The following ATXN3 variants were observed in gnomAD, a reference collection of about 807,000 sequenced individuals.
ATXN3 encodes the protein ataxin-3.
A neutral mutation model predicts 58.2 loss-of-function variants in ATXN3; 28 were observed. That is an observed-to-expected ratio of 0.48 (90% CI 0.36 to 0.66). ATXN3 has a LOEUF of 0.66. Among genes scored for constraint, ATXN3 ranks in the 30% least tolerant of loss-of-function variants. The pLI, the probability that ATXN3 is intolerant of heterozygous loss-of-function variation, is 0.00. For missense variants in ATXN3, 321 were observed against 422.1 expected, an observed-to-expected ratio of 0.76 and a Z score of 2.10; for synonymous variants, 113 against 138.5, an observed-to-expected ratio of 0.82 and a Z score of 1.29.
chr14:92,047,120 G>A (rs1174014738), intron 2 of ATXN3, among the ~76,000 whole-genome samples: 1 of 152,234 alleles, frequency 6.6e-6, no homozygotes, highest in Admixed American at 6.5e-5. Context: ...GGACTGATGG[G>A]TGTCAGGGTC....
intron 2 of ATXN3, among the ~76,000 whole-genome samples, chr14:92,047,572 C>T (rs772686107): frequency 4.0e-5 from 6 of 151,668 alleles, no homozygotes; most frequent in Non-Finnish European, 8.8e-5. Context: ...TTGGGGGATA[C>T]GAGAGGAAGA....
At chr14:92,086,832 G>A (rs1302163234) in intron 6 of ATXN3, among the ~76,000 whole-genome samples, 2 of 150,516 alleles carry the variant, frequency 1.3e-5, no homozygotes, top group Admixed American at 6.6e-5. Context: ...AAGGGGGGGG[G>A]AACTGATTAT....
chr14:92,083,211 C>G lies in ATXN3; in HGVS notation c.523G>C (p.Asp175His), dbSNP rs1482408308. Residue 175 changes from aspartate to histidine, a missense_variant, in exon 7 of 11, where the codon GAC (aspartate) becomes CAC (histidine). Asp to His is a moderately conservative substitution (Grantham distance 81). Coordinates refer to ENST00000644486, the MANE Select transcript of ATXN3 (RefSeq NM_004993.6). ...VKGDLPDCEA[D>H]QLLQMIRVQQ... Reference sequence around the variant, plus strand: ...ACCCTAATCATCTGCAGGAGTTGGTCAGCTTCGCAATCTGGCAGATCACCC... The same window carrying G: ...ACCCTAATCATCTGCAGGAGTTGGTGAGCTTCGCAATCTGGCAGATCACCC... The G allele has an allele frequency of 3.7e-6, 6 of 1,613,500 alleles. No homozygotes were observed. The highest frequency in any genetic ancestry group is 5.1e-6 in the Non-Finnish European group (6 of 1,179,912).
intron 10 of ATXN3, among the ~76,000 whole-genome samples, chr14:92,069,316 C>T (rs889235505): frequency 4.1e-5 from 6 of 147,522 alleles, no homozygotes; most frequent in South Asian, 2.2e-4. Context: ...GGTGATCCAT[C>T]AGCCTTGGCC....
chr14:92,096,042 A>C (rs1255247594), intron 3 of ATXN3, 51 bp downstream of exon 3: 3 of 1,415,144 alleles, frequency 2.1e-6, no homozygotes, highest in Non-Finnish European at 3.0e-6. Context: ...AAGGCTGTGA[A>C]ACGGTGCCTG....
At chr14:92,073,111 C>T (rs554404571) in intron 9 of ATXN3, among the ~76,000 whole-genome samples, 1 of 152,348 alleles carries the variant, frequency 6.6e-6, no homozygotes, top group South Asian at 2.1e-4. Context: ...TCTGCCCCTC[C>T]ACTCAAGAAG....
At chr14:92,072,694 T>TAAAA (rs33967699) in intron 9 of ATXN3, among the ~76,000 whole-genome samples, 7 of 90,978 alleles carry the variant, frequency 7.7e-5, no homozygotes, top group Admixed American at 1.3e-4. Context: ...AGCTATAGGT[T>TAAAA]AAAAAAAAAA....
At chr14:92,090,929 C>CTACTGCTG (rs2063637031) in intron 5 of ATXN3, among the ~76,000 whole-genome samples, 1 of 148,252 alleles carries the variant, frequency 6.7e-6, no homozygotes, top group African/African-American at 2.5e-5. Flanking sequence ...GCATCAGCCT[C>CTACTGCTG]TACTGCTGTA....
intron 1 of ATXN3, among the ~76,000 whole-genome samples, chr14:92,101,058 G>A (rs551289688): frequency 6.6e-6 from 1 of 152,182 alleles, no homozygotes; most frequent in African/African-American, 2.4e-5. Flanking sequence ...TGAAAAATAA[G>A]TACTTGAAAT....
downstream of ATXN3, among the ~76,000 whole-genome samples, chr14:92,055,807 A>G (rs78982827): frequency 0.097 from 14,754 of 152,242 alleles, 756 homozygotes; most frequent in Non-Finnish European, 0.12. This position sits in a 1 kb window ranked among gnomAD's most constrained non-coding sequence, Gnocchi z 4.5. Context: ...CTAAAAATAC[A>G]AAACTTAGCT....
At chr14:92,093,908 T>C (rs2064495606) in intron 3 of ATXN3, 77 bp from the exon 4 acceptor site, 1 of 860,550 alleles carries the variant, frequency 1.2e-6, no homozygotes, top group African/African-American at 1.7e-5. Context: ...ATGTTAGTTG[T>C]GTACTTCATA....
chr14:92,058,138 T>C (rs779491671), downstream of ATXN3, among the ~76,000 whole-genome samples: 1 of 152,216 alleles, frequency 6.6e-6, no homozygotes, highest in Non-Finnish European at 1.5e-5. Context: ...AGAATATCAA[T>C]GGACTGTGCT....
chr14:92,106,356 TGA>T (rs1370918889), intron 1 of ATXN3, among the ~76,000 whole-genome samples, 171 bp downstream of exon 1: 1 of 150,716 alleles, frequency 6.6e-6, no homozygotes, highest in East Asian at 2.0e-4. Flanking sequence ...GGGGCGTAGG[TGA>T]TGCTCCCCTC....
At chr14:92,094,544 G>A (rs185425916) in intron 3 of ATXN3, among the ~76,000 whole-genome samples, 1 of 152,236 alleles carries the variant, frequency 6.6e-6, no homozygotes, top group Admixed American at 6.5e-5. Flanking sequence ...GTTCTCCCTG[G>A]GCATTTAAAC....
At chr14:92,095,865 C>A (rs2065087873) in intron 3 of ATXN3, among the ~76,000 whole-genome samples, 1 of 151,708 alleles carries the variant, frequency 6.6e-6, no homozygotes, top group African/African-American at 2.4e-5. Flanking sequence ...TCGCTTGAAC[C>A]CGGGAGGCAG....
chr14:92,058,570 CTTTA>C lies in ATXN3; in HGVS notation c.*5746_*5749del, dbSNP rs1325396872. The stretch of plus-strand genomic sequence containing the variant: ...AAGGAAATAGAAAAGCAAACATTAT[CTTTA>C]TTTAATAATCTTTGATATTTAAAAT... On this transcript the variant is annotated 3_prime_UTR_variant, in exon 11 of 11. Transcript: ENST00000644486. 1.3e-5 allele frequency: 2 copies of C among 152,160 alleles called. No individual in the cohort carries two copies. Among genetic ancestry groups the C allele is most frequent in the African/African-American group, 4.8e-5 (2 of 41,442 alleles). The allele number at this position is 152,160 out of a possible 1,614,324, so 9.4% of individuals were successfully genotyped here.
At chr14:92,084,673 A>C (rs1241669188) in intron 6 of ATXN3, among the ~76,000 whole-genome samples, 3 of 151,434 alleles carry the variant, frequency 2.0e-5, no homozygotes, top group Non-Finnish European at 4.4e-5. Context: ...GCCTCCCAGG[A>C]GGTTCAAGCG....
downstream of ATXN3, among the ~76,000 whole-genome samples, chr14:92,057,300 C>T (rs1266247840): frequency 6.6e-6 from 1 of 152,124 alleles, no homozygotes; most frequent in Non-Finnish European, 1.5e-5. Context: ...CCTGTAGTCC[C>T]AGCTACTCAG....
At chr14:92,097,320 C>T (rs1160462194) in intron 1 of ATXN3, among the ~76,000 whole-genome samples, 6 of 151,634 alleles carry the variant, frequency 4.0e-5, no homozygotes, top group African/African-American at 4.9e-5. Context: ...CTCCGCCTCC[C>T]GGGTTCAAGT....
Sources: allele counts gnomAD v4.1 joint callset (sites outside exome capture counted in the v4.1 genomes callset), GRCh38; gene constraint gnomAD v4.1.1; non-coding constraint Gnocchi (gnomAD v3.1); transcripts MANE v1.5; gene names NCBI Gene and HGNC (gene_info 2026-07-23, HGNC 2026-07-21).